The following SLC24A2 variants were observed in gnomAD, a reference collection of about 807,000 sequenced individuals.
SLC24A2 encodes the protein solute carrier family 24 member 2.
In SLC24A2, 36 loss-of-function variants were observed where a neutral mutation model predicts 62.0. The observed-to-expected ratio is 0.58, with a 90% CI of 0.44 to 0.77. SLC24A2 has a LOEUF of 0.77. Among genes scored for constraint, SLC24A2 ranks in the 30% least tolerant of loss-of-function variants. The probability of loss-of-function intolerance (pLI) is 0.00; values close to 1 mark genes in which losing one functional copy is unlikely to be tolerated. For missense variants in SLC24A2, 846 were observed against 817.9 expected, an observed-to-expected ratio of 1.03 and a Z score of -0.42; for synonymous variants, 358 against 294.0, an observed-to-expected ratio of 1.22 and a Z score of -2.23.
the SLC24A2 span, among the ~76,000 whole-genome samples, chr9:20,272,465 T>C: frequency 6.6e-6 from 1 of 152,166 alleles, no homozygotes. Context: ...TACTAGGTAG[T>C]GTTCTAGACT....
At chr9:20,241,698 A>G in the SLC24A2 span, among the ~76,000 whole-genome samples, 2 of 152,184 alleles carry the variant, frequency 1.3e-5, no homozygotes, top group East Asian at 1.9e-4. Context: ...GGTGTGCCAC[A>G]GTGCTAAAGG....
chr9:19,846,079 G>A, the SLC24A2 span, among the ~76,000 whole-genome samples: 2 of 152,044 alleles, frequency 1.3e-5, no homozygotes, highest in Admixed American at 6.6e-5. Flanking sequence ...TTTGATAGGT[G>A]GAGTATTCTG....
chr9:20,115,739 G>A, the SLC24A2 span, among the ~76,000 whole-genome samples: 1 of 152,152 alleles, frequency 6.6e-6, no homozygotes, highest in Non-Finnish European at 1.5e-5. Context: ...AATACATTGA[G>A]AGCTCTGCTT....
At chr9:19,691,017 ATTAG>A (rs1185984769) in intron 2 of SLC24A2, among the ~76,000 whole-genome samples, 2 of 152,152 alleles carry the variant, frequency 1.3e-5, no homozygotes, top group African/African-American at 4.8e-5. Flanking sequence ...TCATATGATA[ATTAG>A]TTAAATAATG....
the SLC24A2 span, chr9:19,927,400 T>A: frequency 3.9e-5 from 6 of 152,206 alleles, no homozygotes; most frequent in Non-Finnish European, 5.9e-5. Context: ...AAATGGCACC[T>A]ACTTCACTTG....
At chr9:19,697,390 C>T (rs1820223554) in intron 2 of SLC24A2, among the ~76,000 whole-genome samples, 1 of 152,026 alleles carries the variant, frequency 6.6e-6, no homozygotes, top group Non-Finnish European at 1.5e-5. Flanking sequence ...CACATGCTTA[C>T]CTACGAAACA....
chr9:19,593,754 G>A (rs1018365882), intron 5 of SLC24A2, among the ~76,000 whole-genome samples: 3 of 151,980 alleles, frequency 2.0e-5, no homozygotes, highest in Non-Finnish European at 4.4e-5. Flanking sequence ...CCCAAAGGGC[G>A]GGGCTTTGGG....
intron 5 of SLC24A2, among the ~76,000 whole-genome samples, chr9:19,579,952 G>C (rs1175647870): frequency 1.3e-5 from 2 of 152,210 alleles, no homozygotes; most frequent in Non-Finnish European, 2.9e-5. Context: ...GAAAATCTAG[G>C]AGAACAGGGT....
chr9:19,731,518 T>TCTCTCTCC (rs1554707795), intron 2 of SLC24A2, among the ~76,000 whole-genome samples: 2 of 102,508 alleles, frequency 2.0e-5, no homozygotes, highest in African/African-American at 7.2e-5. Context: ...TCTCTCTCCG[T>TCTCTCTCC]GTGTGTGTGT....
chr9:20,112,622 A>G, the SLC24A2 span, among the ~76,000 whole-genome samples: 12 of 152,188 alleles, frequency 7.9e-5, 1 homozygote, highest in East Asian at 2.3e-3. Flanking sequence ...CAAAGCAATA[A>G]TAACCCCAGG....
chr9:19,981,713 C>A, the SLC24A2 span, among the ~76,000 whole-genome samples: 2 of 152,160 alleles, frequency 1.3e-5, no homozygotes, highest in African/African-American at 2.4e-5. Context: ...TGGGTCTGCC[C>A]TATGTGTGTT....
the SLC24A2 span, among the ~76,000 whole-genome samples, chr9:20,162,255 G>A: frequency 6.6e-6 from 1 of 150,658 alleles, no homozygotes; most frequent in Non-Finnish European, 1.5e-5. Context: ...AACAAAATAG[G>A]CTTCATCTAC....
chr9:19,770,071 C>G (rs1181167081), intron 2 of SLC24A2, among the ~76,000 whole-genome samples: 1 of 151,120 alleles, frequency 6.6e-6, no homozygotes, highest in Non-Finnish European at 1.5e-5. Flanking sequence ...TCTATATTGT[C>G]CCATGTAGAC....
the SLC24A2 span, among the ~76,000 whole-genome samples, chr9:19,984,971 T>A: frequency 6.7e-6 from 1 of 150,314 alleles, no homozygotes; most frequent in Non-Finnish European, 1.5e-5. Context: ...AGTATAATTT[T>A]AAAAATAAGA....
intron 2 of SLC24A2, among the ~76,000 whole-genome samples, chr9:19,699,821 A>T (rs186110796): frequency 6.6e-6 from 1 of 151,710 alleles, no homozygotes; most frequent in East Asian, 1.9e-4. Flanking sequence ...TAAGTCTTAA[A>T]TTTTTTTTTC....
intron 2 of SLC24A2, among the ~76,000 whole-genome samples, chr9:19,637,579 C>T (rs920145184): frequency 2.6e-5 from 4 of 152,186 alleles, no homozygotes; most frequent in African/African-American, 9.7e-5. Context: ...AATGGGTGCA[C>T]TTCCTTGTAA....
chr9:19,756,770 T>C (rs1002039851), intron 2 of SLC24A2, among the ~76,000 whole-genome samples: 7 of 152,104 alleles, frequency 4.6e-5, no homozygotes, highest in Non-Finnish European at 8.8e-5. Context: ...TTCACTTCAA[T>C]CGGAAAAAGA....
intron 2 of SLC24A2, among the ~76,000 whole-genome samples, chr9:19,672,264 A>G (rs1328084463): frequency 6.8e-6 from 1 of 146,146 alleles, no homozygotes; most frequent in East Asian, 1.9e-4. Flanking sequence ...TCCTGGTTTA[A>G]TCTAGGAGGG....
chr9:19,639,575 G>T (rs1818441814), intron 2 of SLC24A2, among the ~76,000 whole-genome samples: 1 of 152,238 alleles, frequency 6.6e-6, no homozygotes, highest in African/African-American at 2.4e-5. Flanking sequence ...ATATTTTGGG[G>T]CTGTGTATGT....
Sources: gnomAD v4.1 joint callset for allele counts (sites outside exome capture counted in the v4.1 genomes callset) on GRCh38, gnomAD v4.1.1 for gene constraint, MANE v1.5 for transcripts, NCBI Gene and HGNC (gene_info 2026-07-23, HGNC 2026-07-21) for gene names.